Variants in KANSL1 observed in about 807,000 individuals in gnomAD.
KANSL1 encodes KAT8 regulatory NSL complex subunit 1, also known as MLL1/MLL complex subunit KANSL1.
A neutral mutation model predicts 103.6 loss-of-function variants in KANSL1; 22 were observed. That is an observed-to-expected ratio of 0.21 (90% confidence interval 0.15 to 0.30). The LOEUF (loss-of-function observed/expected upper bound fraction) is 0.30, where lower values mean the gene tolerates loss of function less well. Ranked by LOEUF, KANSL1 falls within the 10% of genes least tolerant of loss-of-function variation. KANSL1 has a pLI of 1.00. For missense variants in KANSL1, 1,337 were observed against 1,399.8 expected, an observed-to-expected ratio of 0.96 and a Z score of 0.72; for synonymous variants, 600 against 527.6, an observed-to-expected ratio of 1.14 and a Z score of -1.88.
Position 46,193,031 on chromosome 17 carries a change from G to A in KANSL1, c.-298C>T, listed in dbSNP as rs1365961975. 3 of 153,234 alleles carry A rather than the reference G, an allele frequency of 2.0e-5. No homozygotes were observed. The allele number at this position is 153,234 out of a possible 1,614,324, so 9.5% of individuals were successfully genotyped here. A position where few individuals can be genotyped will look rare whatever the true frequency, so the allele number is the denominator to read the frequency against. On this transcript the variant is annotated 5_prime_UTR_variant, in exon 1 of 15. Coordinates refer to ENST00000432791, the MANE Select transcript of KANSL1 (RefSeq NM_015443.4). ...GGGGCGAGGCAGAGGGGGAGGGGAA[G>A]GCGGCGGCGGGGAGCGGCTGCTTTT... is the stretch of plus-strand genomic sequence containing the variant.
At chr17:46,162,176 T>G (rs959388344) in intron 2 of KANSL1, among the ~76,000 whole-genome samples, 11 of 152,216 alleles carry the variant, frequency 7.2e-5, no homozygotes, top group African/African-American at 2.7e-4. Flanking sequence ...TTTTCCCAGA[T>G]GCACAATAGA....
At chr17:46,071,653 G>C (rs1275294592) in intron 4 of KANSL1, among the ~76,000 whole-genome samples, 1 of 152,164 alleles carries the variant, frequency 6.6e-6, no homozygotes, top group Non-Finnish European at 1.5e-5. Flanking sequence ...TACTGCAGTG[G>C]TTTACATCAT....
chr17:46,217,396 A>C (rs2048373911), intron 1 of KANSL1, among the ~76,000 whole-genome samples: 2 of 152,052 alleles, frequency 1.3e-5, no homozygotes, highest in Admixed American at 6.6e-5. Flanking sequence ...GAATCACTTG[A>C]ACCTAGGAGG....
chr17:46,209,155 G>C (rs550546634), intron 1 of KANSL1, among the ~76,000 whole-genome samples: 1 of 152,102 alleles, frequency 6.6e-6, no homozygotes, highest in African/African-American at 2.4e-5. Flanking sequence ...TTGCACTCCA[G>C]CCTGAGTGAC....
chr17:46,092,437 GA>G, intron 3 of KANSL1, among the ~76,000 whole-genome samples: 1 of 152,262 alleles, frequency 6.6e-6, no homozygotes, highest in East Asian at 1.9e-4. Context: ...CTTCTCTGAA[GA>G]ATGCATTAAG....
At chr17:46,036,663 C>G (rs904823136) in intron 10 of KANSL1, among the ~76,000 whole-genome samples, 1 of 152,062 alleles carries the variant, frequency 6.6e-6, no homozygotes, top group African/African-American at 2.4e-5. Flanking sequence ...GTCCTGGAAC[C>G]AATCCCCACT....
rs770471567 is a variant in KANSL1, at chr17:46,066,528, T to G, written c.1848+9A>C. ...TGCTTGACAATGACCAACTCTCATC[T>G]GTACCGACCTTCTTGGAAAGAGGAA... On this transcript the variant is annotated intron_variant, in intron 6 of 14. Transcript: ENST00000432791. 1 of 1,603,172 alleles carries G rather than the reference T, an allele frequency of 6.2e-7. No homozygotes were observed. Among genetic ancestry groups the G allele is most frequent in the Non-Finnish European group, 8.5e-7 (1 of 1,173,204 alleles).
At chr17:46,076,753 G>A (rs567428332) in intron 4 of KANSL1, among the ~76,000 whole-genome samples, 5 of 151,988 alleles carry the variant, frequency 3.3e-5, no homozygotes, top group South Asian at 2.1e-4. Context: ...AGTCATTAAC[G>A]TCTTTTGTTA....
intron 2 of KANSL1, among the ~76,000 whole-genome samples, chr17:46,119,000 C>T (rs988553291): frequency 4.6e-5 from 7 of 152,222 alleles, no homozygotes; most frequent in Non-Finnish European, 1.0e-4. Context: ...TCCCACGTAG[C>T]TCCAATATTT....
At chr17:46,210,090 A>G (rs1171503842) in intron 1 of KANSL1, among the ~76,000 whole-genome samples, 7 of 152,216 alleles carry the variant, frequency 4.6e-5, no homozygotes, top group Non-Finnish European at 1.0e-4. Flanking sequence ...CAGAAGACAT[A>G]TCAGCATGAA....
At chr17:46,065,158 G>A (rs2078332943) in intron 6 of KANSL1, among the ~76,000 whole-genome samples, 1 of 149,590 alleles carries the variant, frequency 6.7e-6, no homozygotes. Flanking sequence ...TTAAAGATAT[G>A]GGGTCTCACT....
At position 46,171,715 on chromosome 17, in the gene KANSL1, C is replaced by T. The variant is rs1415127228; in HGVS notation, c.429G>A (p.Thr143=). The part of the protein sequence containing the change: ...FSLENLRTMN[T]SGQTALPQAP... ...CTTGTGGCAGAGCTGTCTGACCACT[C>T]GTATTCATGGTTCTAAGATTTTCTA... The change falls in exon 2 of 15, where the codon ACG becomes ACA. Residue 143 remains threonine (T), a synonymous_variant. Transcript: ENST00000432791. 4 of 1,565,410 alleles carry T rather than the reference C, an allele frequency of 2.6e-6. No homozygotes were observed. The highest frequency in any genetic ancestry group is 1.4e-5 in the African/African-American group (1 of 72,718).
At chr17:46,176,062 T>C (rs1208424860) in intron 1 of KANSL1, among the ~76,000 whole-genome samples, 1 of 152,206 alleles carries the variant, frequency 6.6e-6, no homozygotes, top group Non-Finnish European at 1.5e-5. Flanking sequence ...CAATATGTAG[T>C]TGATATGAGC....
At chr17:46,077,692 G>C (rs1190268120) in intron 4 of KANSL1, among the ~76,000 whole-genome samples, 3 of 152,024 alleles carry the variant, frequency 2.0e-5, no homozygotes, top group Non-Finnish European at 1.5e-5. Flanking sequence ...CGAGTAGCTG[G>C]GATTACAGGT....
At chr17:46,031,937 G>T in intron 14 of KANSL1, 110 bp downstream of exon 14, 2 of 1,468,318 alleles carry the variant, frequency 1.4e-6, no homozygotes, top group Non-Finnish European at 1.9e-6. Flanking sequence ...GCAGCCCTTT[G>T]TCCCTTCAAA....
rs529332968 is a variant in KANSL1, at chr17:46,204,890, A to G, written c.-90+18781T>C. 2.7e-3 allele frequency among the ~76,000 whole-genome samples: 410 copies of G among 152,360 alleles called. 3 individuals are homozygous for G. Among genetic ancestry groups the G allele is most frequent in the African/African-American group, 9.6e-3 (397 of 41,570 alleles). Reference sequence around the variant, plus strand: ...GAAAAAGCACTTAACAAAATCCAACATGCTTTCATGATAAAAACACTCAAC... The same window carrying G: ...GAAAAAGCACTTAACAAAATCCAACGTGCTTTCATGATAAAAACACTCAAC... On this transcript the variant is annotated intron_variant, in intron 1 of 14. Transcript: ENST00000572904.
At chr17:46,085,088 T>C (rs1453353693) in intron 3 of KANSL1, among the ~76,000 whole-genome samples, 1 of 152,196 alleles carries the variant, frequency 6.6e-6, no homozygotes, top group Admixed American at 6.5e-5. Flanking sequence ...AATTTCCAAC[T>C]ACTTTCCCCA....
At chr17:46,159,703 C>A (rs1481048070) in intron 2 of KANSL1, among the ~76,000 whole-genome samples, 2 of 152,338 alleles carry the variant, frequency 1.3e-5, no homozygotes, top group South Asian at 2.1e-4. Context: ...ACCTTCATAA[C>A]TCAAAAGAGC....
intron 2 of KANSL1, among the ~76,000 whole-genome samples, chr17:46,123,764 A>G (rs1388887446): frequency 6.6e-6 from 1 of 152,248 alleles, no homozygotes; most frequent in Non-Finnish European, 1.5e-5. Flanking sequence ...TTAAGGAAAT[A>G]AGCCATCTCC....
Sources: gnomAD v4.1 joint callset for allele counts (sites outside exome capture counted in the v4.1 genomes callset) on GRCh38, gnomAD v4.1.1 for gene constraint, MANE v1.5 for transcripts, NCBI Gene and HGNC (gene_info 2026-07-23, HGNC 2026-07-21) for gene names.